DIAPH2: variants seen among roughly 807,000 people sequenced by gnomAD.
The protein encoded by DIAPH2 is diaphanous related formin 2.
A neutral mutation model predicts 92.7 loss-of-function variants in DIAPH2; 35 were observed. The observed-to-expected ratio is 0.38, with a 90% CI of 0.29 to 0.50. The LOEUF is 0.50. Among genes scored for constraint, DIAPH2 ranks in the 20% least tolerant of loss-of-function variants. The pLI is 0.94. For synonymous variants in DIAPH2, 301 were observed against 280.4 expected (o/e 1.07, Z -0.73); for missense variants, 701 against 819.5 (o/e 0.86, Z 1.77).
intron 22 of DIAPH2, among the ~76,000 whole-genome samples, chrX:97,211,886 C>T (rs1379221643): frequency 9.0e-6 from 1 of 111,586 alleles, no homozygotes; most frequent in African/African-American, 3.3e-5. Flanking sequence ...ATCAAATTTG[C>T]AACTTTGAAG....
chrX:97,072,887 C>T (rs1171923894), intron 17 of DIAPH2, 54 bp from the exon 18 acceptor site: 18 of 767,123 alleles, frequency 2.3e-5, no homozygotes, highest in South Asian at 2.0e-4. Flanking sequence ...AATGTTATTC[C>T]GTGTACTTGG....
At chrX:97,283,850 G>A (rs1165329163) in intron 23 of DIAPH2, among the ~76,000 whole-genome samples, 1 of 112,437 alleles carries the variant, frequency 8.9e-6, no homozygotes. Context: ...GCTGAGGCAG[G>A]AGAATCACTT....
chrX:96,807,614 T>A (rs1165352527), intron 4 of DIAPH2, among the ~76,000 whole-genome samples: 1 of 110,491 alleles, frequency 9.1e-6, no homozygotes, highest in African/African-American at 3.3e-5. Context: ...TTACATAGGA[T>A]CCCAGGATGC....
In DIAPH2 at chrX:97,261,183, A is replaced by C. The variant is rs755746590; in HGVS notation, c.2844+13344A>C. On this transcript the variant is annotated intron_variant, in intron 23 of 26. Transcript: ENST00000324765. ...CCTGGCAGTTCTTTTGATTTTAGTT[A>C]CAAGTGCACACGTGTGTGTGTGCAC... 8.9e-5 allele frequency among the ~76,000 whole-genome samples: 10 copies of C among 112,782 alleles called. No homozygotes were observed. In the East Asian group the frequency reaches 2.5e-3, roughly 29 times the overall value.
intron 17 of DIAPH2, among the ~76,000 whole-genome samples, chrX:96,995,922 G>A (rs1204569265): frequency 2.8e-5 from 3 of 108,724 alleles, no homozygotes; most frequent in East Asian, 2.9e-4. Context: ...AAAGCAGATA[G>A]TCCTATTTAA....
intron 17 of DIAPH2, among the ~76,000 whole-genome samples, chrX:96,998,764 CGTT>C (rs761675587): frequency 9.9e-5 from 11 of 111,507 alleles, no homozygotes; most frequent in Non-Finnish European, 1.9e-4. Context: ...GAGCCAGACT[CGTT>C]GGGTTCAAAA....
chrX:97,488,819 A>G (rs1054518610), intron 26 of DIAPH2, among the ~76,000 whole-genome samples: 2 of 111,633 alleles, frequency 1.8e-5, no homozygotes, highest in African/African-American at 6.5e-5. Context: ...GTCTGTTTTT[A>G]TGTCAGTCCC....
At chrX:96,911,052 A>C (rs2065466097) in intron 5 of DIAPH2, among the ~76,000 whole-genome samples, 1 of 111,619 alleles carries the variant, frequency 9.0e-6, no homozygotes, top group African/African-American at 3.3e-5. Flanking sequence ...GGGCTCCAGC[A>C]ATGATAATTT....
intron 25 of DIAPH2, among the ~76,000 whole-genome samples, chrX:97,392,509 A>G (rs944269924): frequency 8.9e-6 from 1 of 111,932 alleles, no homozygotes; most frequent in Non-Finnish European, 1.9e-5. Flanking sequence ...GTAAAATTAC[A>G]TAAAGTTTCA....
chrX:97,017,002 G>A (rs754403215), intron 17 of DIAPH2, among the ~76,000 whole-genome samples: 1 of 111,464 alleles, frequency 9.0e-6, no homozygotes, highest in Non-Finnish European at 1.9e-5. Flanking sequence ...GGTGTGTCAC[G>A]GGCCTCCATC....
At chrX:96,688,796 G>A (rs2063784520) in intron 1 of DIAPH2, among the ~76,000 whole-genome samples, 1 of 111,937 alleles carries the variant, frequency 8.9e-6, no homozygotes, top group African/African-American at 3.3e-5. Flanking sequence ...TGCTTAAAAT[G>A]CAATGTGAGC....
At chrX:96,717,830 A>ATATATATATGTATATAG (rs2063960909) in intron 1 of DIAPH2, among the ~76,000 whole-genome samples, 1 of 80,166 alleles carries the variant, frequency 1.2e-5, no homozygotes, top group African/African-American at 4.7e-5. Context: ...ATATATATAT[A>ATATATATATGTATATAG]TATATATATA....
chrX:97,332,808 C>G (rs1297187172), intron 23 of DIAPH2, among the ~76,000 whole-genome samples: 1 of 111,599 alleles, frequency 9.0e-6, no homozygotes, highest in Non-Finnish European at 1.9e-5. Flanking sequence ...GTCTCAGACA[C>G]TTGGCATCAC....
chrX:97,065,027 C>G (rs1308890293), intron 17 of DIAPH2, among the ~76,000 whole-genome samples: 2 of 111,130 alleles, frequency 1.8e-5, no homozygotes, highest in African/African-American at 6.5e-5. Context: ...TGATGAATGC[C>G]CAGACTGTAT....
At chrX:97,482,298 A>G (rs1286939938) in intron 26 of DIAPH2, among the ~76,000 whole-genome samples, 1 of 112,650 alleles carries the variant, frequency 8.9e-6, no homozygotes, top group Non-Finnish European at 1.9e-5. Context: ...AATGAGCAAC[A>G]TTAAGCACAA....
intron 1 of DIAPH2, among the ~76,000 whole-genome samples, chrX:96,705,582 T>A (rs2063880991): frequency 8.9e-6 from 1 of 112,327 alleles, no homozygotes. Flanking sequence ...ACAAAATGTT[T>A]ATGATTTTTT....
At chrX:96,967,988 G>A (rs558793371) in intron 17 of DIAPH2, among the ~76,000 whole-genome samples, 1 of 110,827 alleles carries the variant, frequency 9.0e-6, no homozygotes, top group East Asian at 2.8e-4. Flanking sequence ...TTTCTATAGT[G>A]GCTGAACTAA....
intron 4 of DIAPH2, among the ~76,000 whole-genome samples, chrX:96,775,497 G>A (rs971306515): frequency 5.5e-5 from 6 of 108,410 alleles, no homozygotes; most frequent in African/African-American, 1.3e-4. Context: ...CGTTCTCTTC[G>A]CATTATCTAG....
At chrX:97,034,321 C>T (rs1378629339) in intron 17 of DIAPH2, among the ~76,000 whole-genome samples, 2 of 110,347 alleles carry the variant, frequency 1.8e-5, no homozygotes, top group Admixed American at 9.7e-5. Flanking sequence ...CAGTTTCAAT[C>T]ATATTGTGAG....
Sources: gnomAD v4.1 joint callset for allele counts (sites outside exome capture counted in the v4.1 genomes callset) on GRCh38, gnomAD v4.1.1 for gene constraint, MANE v1.5 for transcripts, NCBI Gene and HGNC (gene_info 2026-07-23, HGNC 2026-07-21) for gene names.